Variants in PRELID2 observed in about 807,000 individuals in gnomAD.
PRELID2 encodes PRELI domain-containing protein 2.
In PRELID2, 25 loss-of-function variants were observed where a neutral mutation model predicts 28.4. The observed-to-expected ratio is 0.88, with a 90% CI of 0.64 to 1.23. PRELID2 has a LOEUF of 1.23. Ranked by LOEUF, PRELID2 falls within the 50% of genes most tolerant of loss-of-function variation. The probability of loss-of-function intolerance (pLI) is 0.00; values close to 1 mark genes in which losing one functional copy is unlikely to be tolerated. For missense variants in PRELID2, 201 were observed against 214.4 expected (o/e 0.94, Z 0.39); for synonymous variants, 76 against 71.6 (o/e 1.06, Z -0.31).
chr5:145,718,387 C>T (rs1755898300), intron 1 of PRELID2, among the ~76,000 whole-genome samples: 1 of 151,706 alleles, frequency 6.6e-6, no homozygotes, highest in African/African-American at 2.4e-5. Flanking sequence ...AGAAAACAAT[C>T]CTAAAATCTA....
At chr5:145,487,331 C>T (rs1046909727) in intron 1 of PRELID2, among the ~76,000 whole-genome samples, 2 of 151,856 alleles carry the variant, frequency 1.3e-5, no homozygotes, top group Non-Finnish European at 2.9e-5. Context: ...CCACTGTATT[C>T]GGGAGAGTTA....
At chr5:145,437,804 G>A in the PRELID2 span, among the ~76,000 whole-genome samples, 1 of 152,072 alleles carries the variant, frequency 6.6e-6, no homozygotes, top group South Asian at 2.1e-4. Context: ...TCAGGTGTGA[G>A]AACTCATGCT....
At chr5:145,556,733 G>A (rs1752882779) in intron 1 of PRELID2, among the ~76,000 whole-genome samples, 2 of 152,114 alleles carry the variant, frequency 1.3e-5, no homozygotes, top group Non-Finnish European at 2.9e-5. Context: ...CTCTTATCTT[G>A]AACCTTGTAT....
At chr5:145,422,327 G>T in the PRELID2 span, among the ~76,000 whole-genome samples, 1 of 152,000 alleles carries the variant, frequency 6.6e-6, no homozygotes, top group African/African-American at 2.4e-5. Context: ...AATGTTGACA[G>T]TGGGGTGTTA....
At chr5:145,725,503 A>C (rs1176512720) in intron 1 of PRELID2, among the ~76,000 whole-genome samples, 1 of 152,246 alleles carries the variant, frequency 6.6e-6, no homozygotes, top group African/African-American at 2.4e-5. Context: ...ATATATTTAA[A>C]ATGACAAGAA....
At chr5:145,535,645 G>C (rs770165539) in intron 1 of PRELID2, among the ~76,000 whole-genome samples, 38 of 151,816 alleles carry the variant, frequency 2.5e-4, no homozygotes, top group Non-Finnish European at 5.0e-4. Flanking sequence ...GAACAATGAG[G>C]CACGTGTATA....
chr5:145,656,441 AC>A (rs1754395187), intron 1 of PRELID2, among the ~76,000 whole-genome samples: 1 of 152,046 alleles, frequency 6.6e-6, no homozygotes, highest in South Asian at 2.1e-4. Context: ...TACTATAAAG[AC>A]CCATGCACAT....
At chr5:145,433,802 A>T in the PRELID2 span, among the ~76,000 whole-genome samples, 2 of 152,160 alleles carry the variant, frequency 1.3e-5, no homozygotes, top group Admixed American at 1.3e-4. Flanking sequence ...AGCCCTAGGC[A>T]TGGTAGCTTC....
intron 1 of PRELID2, among the ~76,000 whole-genome samples, chr5:145,631,134 G>A (rs573860321): frequency 1.3e-5 from 2 of 152,196 alleles, no homozygotes; most frequent in East Asian, 1.9e-4. Flanking sequence ...TCCTTTCCCA[G>A]TATGCACCCA....
intron 1 of PRELID2, among the ~76,000 whole-genome samples, chr5:145,611,912 A>G (rs1425109578): frequency 6.6e-6 from 1 of 152,230 alleles, no homozygotes; most frequent in Non-Finnish European, 1.5e-5. Context: ...CTGAAAAGCT[A>G]CAGTTATTAT....
At chr5:145,242,474 A>T in the PRELID2 span, among the ~76,000 whole-genome samples, 30 of 152,174 alleles carry the variant, frequency 2.0e-4, no homozygotes, top group African/African-American at 7.2e-4. Flanking sequence ...ACTGTAATTC[A>T]GAGATATTAA....
At chr5:145,329,655 G>A in the PRELID2 span, among the ~76,000 whole-genome samples, 4 of 152,158 alleles carry the variant, frequency 2.6e-5, no homozygotes. Context: ...TGCTGAAGTT[G>A]CTTGTCCACT....
chr5:145,230,931 A>T, the PRELID2 span, among the ~76,000 whole-genome samples: 1 of 152,204 alleles, frequency 6.6e-6, no homozygotes, highest in South Asian at 2.1e-4. Flanking sequence ...CTTCATGACA[A>T]TGTAGCTGGC....
chr5:145,387,424 C>T, the PRELID2 span, among the ~76,000 whole-genome samples: 4 of 152,080 alleles, frequency 2.6e-5, no homozygotes, highest in Non-Finnish European at 4.4e-5. Context: ...AATGTCATTA[C>T]ATTAGTTAAG....
intron 3 of PRELID2, chr5:145,819,591 G>C: frequency 1.7e-6 from 1 of 581,550 alleles, no homozygotes; most frequent in South Asian, 2.3e-5. Flanking sequence ...TTAAAGATGA[G>C]ACTAAATATT....
In PRELID2 at chr5:145,684,079, A is replaced by C. The variant is rs879907324; in HGVS notation, n.70+80852T>G. Among the ~76,000 whole-genome samples the C allele has an allele frequency of 3.9e-5, 6 of 152,314 alleles. No individual in the cohort carries two copies. In the South Asian group the frequency reaches 8.3e-4, roughly 21 times the overall value. On this transcript the variant is annotated intron_variant and non_coding_transcript_variant, in intron 1 of 2. Transcript: ENST00000510259. ...CCGGACAAATACAGAGATGCTTTAG[A>C]GCTACCTTGTGAAAAGAGACAAAAG...
At chr5:145,438,380 T>C in the PRELID2 span, among the ~76,000 whole-genome samples, 1 of 152,116 alleles carries the variant, frequency 6.6e-6, no homozygotes, top group Admixed American at 6.6e-5. Context: ...ATAAACAACA[T>C]GACAAATCCT....
intron 4 of PRELID2, among the ~76,000 whole-genome samples, chr5:145,817,202 A>AAAT (rs1341052896): frequency 1.9e-5 from 1 of 51,388 alleles, no homozygotes; most frequent in African/African-American, 5.2e-5. Flanking sequence ...AAAAAAAATA[A>AAAT]ATAAATAAAT....
At chr5:145,250,152 T>C in the PRELID2 span, among the ~76,000 whole-genome samples, 1 of 152,116 alleles carries the variant, frequency 6.6e-6, no homozygotes, top group African/African-American at 2.4e-5. Flanking sequence ...GGAGAAACCA[T>C]TACTCTTTAG....
Sources: allele counts gnomAD v4.1 joint callset (sites outside exome capture counted in the v4.1 genomes callset), GRCh38; gene constraint gnomAD v4.1.1; transcripts MANE v1.5; gene names NCBI Gene and HGNC (gene_info 2026-07-23, HGNC 2026-07-21).